ADGRB1: variants seen among roughly 807,000 people sequenced by gnomAD.
ADGRB1 encodes adhesion G protein-coupled receptor B1.
In ADGRB1, 36 loss-of-function variants were observed where a neutral mutation model predicts 175.7. The ratio of observed to expected loss-of-function variants is 0.20; its 90% CI spans 0.16 to 0.27. The LOEUF (loss-of-function observed/expected upper bound fraction) is 0.27. Ranked by LOEUF, ADGRB1 falls within the 10% of genes least tolerant of loss-of-function variation. The pLI is 1.00. For synonymous variants in ADGRB1, 1,054 were observed against 979.4 expected (o/e 1.08, Z -1.42); for missense variants, 1,731 against 2,255.3 (o/e 0.77, Z 4.71).
Position 142,477,097 on chromosome 8 carries a change from T to C in ADGRB1, c.1058-17T>C. On this transcript the variant is annotated splice_polypyrimidine_tract_variant and intron_variant, in intron 4 of 30. Transcript: ENST00000517894. ...CCCATGGGCGGCAGGCCTGTGACGC[T>C]GTAGTGGGGCCTGCAGGTGACCCAG... 1.3e-6 allele frequency: 2 copies of C among 1,538,720 alleles called. No individual in the cohort carries two copies. The highest frequency in any genetic ancestry group is 1.2e-5 in the South Asian group (1 of 83,092).
intron 17 of ADGRB1, 140 bp downstream of exon 17, chr8:142,490,955 C>T (rs1470008967): frequency 8.9e-7 from 1 of 1,125,644 alleles, no homozygotes; most frequent in Non-Finnish European, 1.3e-6. Context: ...GCCTCCGTGT[C>T]ACCACCTGTC....
At chr8:142,459,351 G>C (rs1336619014) in intron 1 of ADGRB1, among the ~76,000 whole-genome samples, 2 of 152,190 alleles carry the variant, frequency 1.3e-5, no homozygotes, top group Non-Finnish European at 2.9e-5. Flanking sequence ...CTGGGAGCTG[G>C]TGTGGCCGAG....
At position 142,518,768 on chromosome 8, in the gene ADGRB1, G is replaced by A. The variant is rs78615737; in HGVS notation, c.2921+527G>A. Among the ~76,000 whole-genome samples the A allele has an allele frequency of 1.5e-4, 23 of 152,350 alleles. No individual in the cohort carries two copies. In the East Asian group the frequency reaches 4.1e-3, roughly 27 times the overall value. Reference sequence around the variant, plus strand: ...GAGCAGTAACATGCCTGTTGAGTGTGTGGACGCGCCTCCAGGCACTCCCCG... The same window carrying A: ...GAGCAGTAACATGCCTGTTGAGTGTATGGACGCGCCTCCAGGCACTCCCCG... On this transcript the variant is annotated intron_variant, in intron 19 of 30. Coordinates refer to ENST00000517894, the MANE Select transcript of ADGRB1 (RefSeq NM_001702.3).
At chr8:142,453,239 G>A (rs1018870475) in intron 1 of ADGRB1, among the ~76,000 whole-genome samples, 2 of 152,230 alleles carry the variant, frequency 1.3e-5, no homozygotes, top group Admixed American at 6.5e-5. Flanking sequence ...GGGCACGTGT[G>A]TGCAGGCATG....
chr8:142,510,958 T>C lies in ADGRB1; in HGVS notation c.2702T>C (p.Leu901Pro). ...DVPSSSAPPQ[L>P]GPWSWRGCRT... Reference sequence around the variant, plus strand: ...CCCTCCTCCTCCGCCCCCCCGCAGCTCGGGCCCTGGTCGTGGCGCGGCTGC... The same window carrying C: ...CCCTCCTCCTCCGCCCCCCCGCAGCCCGGGCCCTGGTCGTGGCGCGGCTGC... The change falls in exon 18 of 31, where the codon CTC becomes CCC. Residue 901 changes from leucine to proline, a missense_variant. By Grantham distance (98) the Leu-to-Pro change is moderately conservative. Around this residue, in one of 8 missense-constraint regions of ADGRB1, gnomAD observed 77 missense variants for 71.6 expected, o/e 1.08. Coordinates refer to ENST00000517894, the MANE Select transcript of ADGRB1 (RefSeq NM_001702.3). The surrounding 1 kb of genome is among the most constrained non-coding windows in gnomAD (Gnocchi z 6.3). 8.1e-7 allele frequency: 1 copy of C among 1,230,420 alleles called. No individual in the cohort carries two copies. 76.2% of individuals were successfully genotyped at this position (1,230,420 alleles called of 1,614,324 possible). A position where few individuals can be genotyped will look rare whatever the true frequency, so the allele number is the denominator to read the frequency against.
chr8:142,515,004 T>C (rs1843334738), intron 18 of ADGRB1, among the ~76,000 whole-genome samples: 1 of 151,602 alleles, frequency 6.6e-6, no homozygotes. Flanking sequence ...AAAGGGTGGA[T>C]ATAGGGTTCA....
chr8:142,491,076 G>A (rs1411498097), intron 17 of ADGRB1, among the ~76,000 whole-genome samples: 8 of 152,180 alleles, frequency 5.3e-5, no homozygotes, highest in Non-Finnish European at 1.0e-4. Flanking sequence ...CAGGTGATGG[G>A]CAGGCGTCCT....
Position 142,477,220 on chromosome 8 carries a change from G to A in ADGRB1, c.1164G>A (p.Thr388=), listed in dbSNP as rs552729248. 9 of 1,598,786 alleles carry A rather than the reference G, an allele frequency of 5.6e-6. No homozygotes were observed. The highest frequency in any genetic ancestry group is 2.7e-5 in the African/African-American group (2 of 74,074). Residue 388 remains threonine (T), a synonymous_variant, in exon 5 of 31, where the codon ACG becomes ACA. Coordinates refer to ENST00000517894, the MANE Select transcript of ADGRB1 (RefSeq NM_001702.3). ...TRFCVSSSYS[T]QCSGPLREQR... is the part of the protein sequence containing the mutation. ...TCTGCGTGTCCTCCTCCTACAGCAC[G>A]CAGTGCAGCGGACCCCTGCGCGAGC...
chr8:142,456,126 C>T (rs917345410), intron 1 of ADGRB1, among the ~76,000 whole-genome samples: 1 of 152,114 alleles, frequency 6.6e-6, no homozygotes, highest in African/African-American at 2.4e-5. Flanking sequence ...GGCCCCTGCA[C>T]TCTGCACCCC....
At chr8:142,475,699 A>AG (rs376351343) in intron 3 of ADGRB1, 64 bp downstream of exon 3, 62,322 of 291,412 alleles carry the variant, frequency 0.21, 3,478 homozygotes, top group African/African-American at 0.37. Flanking sequence ...GAGGGAGGAG[A>AG]GGGGGGTGGG....
At position 142,455,688 on chromosome 8, in the gene ADGRB1, T is replaced by G. The variant is rs907910668; in HGVS notation, c.-220+5584T>G. Among the ~76,000 whole-genome samples the G allele has an allele frequency of 6.6e-6, 1 of 152,208 alleles. No homozygotes were observed. The highest frequency in any genetic ancestry group is 1.5e-5 in the Non-Finnish European group (1 of 68,028). On this transcript the variant is annotated intron_variant, in intron 1 of 30. Transcript: ENST00000517894. This position sits in a 1 kb window ranked among gnomAD's most constrained non-coding sequence, Gnocchi z 4.9. ...GGGCCAGTTTTGGGGGTGCTGACTCTTGACTGAGACATGTGGTTGAGGGGT... is the reference window on the plus strand; with the variant it reads ...GGGCCAGTTTTGGGGGTGCTGACTCGTGACTGAGACATGTGGTTGAGGGGT...
Position 142,537,166 on chromosome 8 carries a change from A to G in ADGRB1, c.3666+84A>G. 1 of 1,114,392 alleles carries G rather than the reference A, an allele frequency of 9.0e-7. No homozygotes were observed. The highest frequency in any genetic ancestry group is 1.2e-6 in the Non-Finnish European group (1 of 827,416). The allele number at this position is 1,114,392 out of a possible 1,614,324, so 69.0% of individuals were successfully genotyped here. A position where few individuals can be genotyped will look rare whatever the true frequency, so the allele number is the denominator to read the frequency against. On this transcript the variant is annotated intron_variant, in intron 26 of 30. Transcript: ENST00000517894. The surrounding 1 kb of genome is among the most constrained non-coding windows in gnomAD (Gnocchi z 4.6). The stretch of plus-strand genomic sequence containing the variant: ...GCCTCCAGGCCCTCACCGTGCCCCA[A>G]GCTCCCCTAGGCCCCAGCAACCCTG...
At chr8:142,468,189 C>G (rs1300453203) in intron 2 of ADGRB1, among the ~76,000 whole-genome samples, 1 of 151,728 alleles carries the variant, frequency 6.6e-6, no homozygotes, top group Non-Finnish European at 1.5e-5. Flanking sequence ...GGTGTGGGTG[C>G]CCCCATGTAA....
At position 142,541,497 on chromosome 8, in the gene ADGRB1, G is replaced by A. The variant is rs184834396; in HGVS notation, c.3707-444G>A. The stretch of plus-strand genomic sequence containing the variant: ...CTGCACTCAGCACCACTGGGCTCCC[G>A]CACACTGCCCCCCACCCACACAAGG... On this transcript the variant is annotated intron_variant, in intron 27 of 30. Coordinates refer to ENST00000517894, the MANE Select transcript of ADGRB1 (RefSeq NM_001702.3). 2.1e-4 allele frequency among the ~76,000 whole-genome samples: 32 copies of A among 152,262 alleles called. No homozygotes were observed. The East Asian group carries it at 6.2e-3, about 29-fold the overall frequency.
rs369154033 is a variant in ADGRB1, at chr8:142,542,170, C to A, written c.3936C>A (p.Asp1312Glu). ...ACCACTCACTGACCCTCAAGAGGGA[C>A]AAGGCGCCCAAGTCCTCCTTCGTCG... ...FPNHSLTLKR[D>E]KAPKSSFVGD... Residue 1312 changes from aspartate to glutamate, a missense_variant, in exon 28 of 31, where the codon GAC (aspartate) becomes GAA (glutamate). Asp to Glu is a conservative substitution (Grantham distance 45). Coordinates refer to ENST00000517894, the MANE Select transcript of ADGRB1 (RefSeq NM_001702.3). This position sits in a 1 kb window ranked among gnomAD's most constrained non-coding sequence, Gnocchi z 6.3. 6.2e-7 allele frequency: 1 copy of A among 1,613,686 alleles called. No homozygotes were observed. Among genetic ancestry groups the A allele is most frequent in the Non-Finnish European group, 8.5e-7 (1 of 1,179,818 alleles).
Position 142,533,404 on chromosome 8 carries a change from G to C in ADGRB1, c.3508G>C (p.Ala1170Pro). The stretch of plus-strand genomic sequence containing the variant: ...CTCCGCCCTCTTCCAGATCCTCTTC[G>C]CTGTCTTCGACTCGCTGGAGGGCTT... The part of the protein sequence containing the change: ...RRSALFQILF[A>P]VFDSLEGFVI... The change falls in exon 25 of 31, where the codon GCT (alanine) becomes CCT (proline). Residue 1170 changes from alanine (A) to proline (P), a missense_variant. Physicochemically the swap from Ala to Pro is conservative, Grantham distance 27. Coordinates refer to ENST00000517894, the MANE Select transcript of ADGRB1 (RefSeq NM_001702.3). The C allele has an allele frequency of 6.2e-7, 1 of 1,612,504 alleles. No individual in the cohort carries two copies. Among genetic ancestry groups the C allele is most frequent in the Non-Finnish European group, 8.5e-7 (1 of 1,179,460 alleles).
At chr8:142,523,757 A>C (rs1844007040) in intron 22 of ADGRB1, among the ~76,000 whole-genome samples, 1 of 82,950 alleles carries the variant, frequency 1.2e-5, no homozygotes, top group Admixed American at 1.6e-4. Flanking sequence ...AGATCTGGAG[A>C]ATGTGGGGCT....
chr8:142,486,276 C>T (rs189726757), intron 13 of ADGRB1, among the ~76,000 whole-genome samples: 48 of 152,310 alleles, frequency 3.2e-4, no homozygotes, highest in African/African-American at 1.2e-3. Flanking sequence ...TCTGTTTATG[C>T]AAACCAGATG....
rs773893322 is a variant in ADGRB1 at position 142,476,704 on chromosome 8, GC to G, written c.1057+10del. ...CCCAGCCCCCCAGACCGGTGAGCTG[GC>G]GGGAGGGGGGTGGGTGGGACTAGGG... On this transcript the variant is annotated intron_variant, in intron 4 of 30. Coordinates refer to ENST00000517894, the MANE Select transcript of ADGRB1 (RefSeq NM_001702.3). The G allele has an allele frequency of 1.3e-6, 2 of 1,542,246 alleles. No homozygotes were observed. The highest frequency in any genetic ancestry group is 1.8e-6 in the Non-Finnish European group (2 of 1,142,282).
Sources: gnomAD v4.1 joint callset for allele counts (sites outside exome capture counted in the v4.1 genomes callset) on GRCh38, gnomAD v4.1.1 for gene constraint, gnomAD v4.1.1 regional missense constraint, Gnocchi (gnomAD v3.1) non-coding constraint, MANE v1.5 for transcripts, NCBI Gene and HGNC (gene_info 2026-07-23, HGNC 2026-07-21) for gene names.